CTNNA3: variants seen among roughly 807,000 people sequenced by gnomAD.
CTNNA3 encodes the protein catenin alpha 3, also known as catenin alpha-3.
In CTNNA3, 76 loss-of-function variants were observed where a neutral mutation model predicts 95.7. The ratio of observed to expected loss-of-function variants is 0.79; its 90% CI spans 0.66 to 0.96. CTNNA3 has a LOEUF of 0.96. Among genes scored for constraint, CTNNA3 ranks in the 40% least tolerant of loss-of-function variants. The pLI, the probability that CTNNA3 is intolerant of heterozygous loss-of-function variation, is 0.00. For synonymous variants in CTNNA3, 431 were observed against 374.4 expected (o/e 1.15, Z -1.74); for missense variants, 1,191 against 1,089.8 (o/e 1.09, Z -1.31).
At chr10:67,237,367 T>C (rs1041126756) in intron 5 of CTNNA3, among the ~76,000 whole-genome samples, 2 of 150,880 alleles carry the variant, frequency 1.3e-5, no homozygotes, top group African/African-American at 4.9e-5. Flanking sequence ...ATAATGGACT[T>C]TGGGGACTTG....
At position 66,215,892 on chromosome 10, in the gene CTNNA3, C is replaced by T. The variant is rs376769597; in HGVS notation, c.1884+64578G>A. On this transcript the variant is annotated intron_variant, in intron 13 of 17. Coordinates refer to ENST00000433211, the MANE Select transcript of CTNNA3 (RefSeq NM_013266.4). The stretch of plus-strand genomic sequence containing the variant: ...ATTCTGGAGGAATTTCACTGTCTCC[C>T]TCTGCTTCTCTCACACTACCTCTCC... Among the ~76,000 whole-genome samples the T allele has an allele frequency of 3.2e-4, 48 of 152,330 alleles. No homozygotes were observed. In the South Asian group the frequency reaches 9.3e-3, roughly 30 times the overall value.
intron 1 of CTNNA3, among the ~76,000 whole-genome samples, chr10:67,670,724 G>T (rs1181332281): frequency 6.6e-6 from 1 of 152,088 alleles, no homozygotes; most frequent in Admixed American, 6.6e-5. Flanking sequence ...TCTATGAAAA[G>T]CCTGTTTTAT....
chr10:67,710,886 C>T (rs1166056124), intron 1 of CTNNA3, among the ~76,000 whole-genome samples: 1 of 152,162 alleles, frequency 6.6e-6, no homozygotes, highest in African/African-American at 2.4e-5. Flanking sequence ...TATAGTTTGG[C>T]TGTGTCCCCA....
intron 13 of CTNNA3, among the ~76,000 whole-genome samples, chr10:66,159,330 C>G (rs1383120689): frequency 6.6e-6 from 1 of 151,800 alleles, no homozygotes; most frequent in Non-Finnish European, 1.5e-5. Flanking sequence ...AAGGTATGAC[C>G]CTTGTATGCC....
chr10:66,623,250 T>C (rs1844814137), intron 9 of CTNNA3, among the ~76,000 whole-genome samples: 2 of 152,260 alleles, frequency 1.3e-5, no homozygotes, highest in South Asian at 4.1e-4. Flanking sequence ...GCACTGTTTG[T>C]TTAAAGTAAA....
intron 5 of CTNNA3, among the ~76,000 whole-genome samples, chr10:67,385,257 G>A (rs762487761): frequency 1.3e-5 from 2 of 152,226 alleles, no homozygotes; most frequent in Non-Finnish European, 1.5e-5. Flanking sequence ...AGGGCCTCCT[G>A]TGGCTCCAGC....
intron 12 of CTNNA3, among the ~76,000 whole-genome samples, chr10:66,365,332 C>A (rs1487904132): frequency 6.6e-6 from 1 of 151,974 alleles, no homozygotes; most frequent in Non-Finnish European, 1.5e-5. Flanking sequence ...GGGAGTTGAA[C>A]AATGAGAACA....
At chr10:66,804,382 G>A (rs544647231) in intron 7 of CTNNA3, among the ~76,000 whole-genome samples, 4 of 151,930 alleles carry the variant, frequency 2.6e-5, no homozygotes, top group African/African-American at 7.3e-5. Flanking sequence ...CCCTACATCC[G>A]CGCATCTGTA....
intron 14 of CTNNA3, 97 bp downstream of exon 14, chr10:66,103,060 G>C: frequency 1.1e-6 from 1 of 916,592 alleles, no homozygotes; most frequent in Non-Finnish European, 1.8e-6. Flanking sequence ...TCCAGATCCA[G>C]GAGTCCCACC....
In CTNNA3 at chr10:66,719,369, C is replaced by T. The variant is rs559893127; in HGVS notation, c.1281+46895G>A. The stretch of plus-strand genomic sequence containing the variant: ...TGCCATTATGACCACATATGTTACA[C>T]TTGAACTTTCTGACCCTAAGTTAAC... On this transcript the variant is annotated intron_variant, in intron 9 of 17. Transcript: ENST00000433211. Among the ~76,000 whole-genome samples, 4 of 152,274 alleles carry T rather than the reference C, an allele frequency of 2.6e-5. No individual in the cohort carries two copies. The East Asian group carries it at 5.8e-4, about 22-fold the overall frequency.
intron 7 of CTNNA3, among the ~76,000 whole-genome samples, chr10:67,022,886 C>T (rs1308685954): frequency 6.6e-6 from 1 of 151,914 alleles, no homozygotes; most frequent in Admixed American, 6.6e-5. Context: ...TGCAGTGAGC[C>T]GAGATCATGC....
chr10:67,509,654 G>A (rs1001764795), intron 5 of CTNNA3, among the ~76,000 whole-genome samples: 13 of 152,250 alleles, frequency 8.5e-5, no homozygotes, highest in Non-Finnish European at 1.3e-4. Flanking sequence ...ATAAACATAC[G>A]TGTGCATGTG....
At chr10:67,012,186 C>A (rs1852379726) in intron 7 of CTNNA3, 1 of 152,222 alleles carries the variant, frequency 6.6e-6, no homozygotes, top group Non-Finnish European at 1.5e-5. Flanking sequence ...GTGTGTGATG[C>A]ACTTCCTATG....
chr10:66,987,391 A>G (rs974129154), intron 7 of CTNNA3, among the ~76,000 whole-genome samples: 6 of 152,156 alleles, frequency 3.9e-5, no homozygotes, highest in African/African-American at 1.4e-4. Flanking sequence ...GTAGAGGTGA[A>G]ATGATTTCTT....
At chr10:67,394,946 T>G (rs1844661189) in intron 5 of CTNNA3, among the ~76,000 whole-genome samples, 1 of 152,272 alleles carries the variant, frequency 6.6e-6, no homozygotes, top group East Asian at 1.9e-4. Flanking sequence ...CATGATATAC[T>G]ACATCAGTTA....
intron 3 of CTNNA3, among the ~76,000 whole-genome samples, chr10:67,571,375 T>C (rs1024691377): frequency 1.3e-5 from 2 of 152,188 alleles, no homozygotes; most frequent in African/African-American, 4.8e-5. Flanking sequence ...TCACTCTAAG[T>C]ATCTTTGAAA....
rs185641456 is a variant in CTNNA3 at position 67,149,572 on chromosome 10, T to G, written c.1047+30745A>C. On this transcript the variant is annotated intron_variant, in intron 7 of 17. Coordinates refer to ENST00000433211, the MANE Select transcript of CTNNA3 (RefSeq NM_013266.4). ...TGCACTCCAGCCTGGGCAACAGAGATAGACTCCGTCTCAAAAAACAAAAAG... is the reference window on the plus strand; with the variant it reads ...TGCACTCCAGCCTGGGCAACAGAGAGAGACTCCGTCTCAAAAAACAAAAAG... 1.4e-3 allele frequency among the ~76,000 whole-genome samples: 218 copies of G among 152,054 alleles called. 2 individuals carry two copies. The highest frequency in any genetic ancestry group is 5.0e-3 in the African/African-American group (207 of 41,478).
At chr10:66,806,907 A>G (rs1354852207) in intron 7 of CTNNA3, among the ~76,000 whole-genome samples, 1 of 151,950 alleles carries the variant, frequency 6.6e-6, no homozygotes, top group African/African-American at 2.4e-5. Context: ...ATTTCAGGAA[A>G]TTGAGAGAGA....
At position 66,955,724 on chromosome 10, in the gene CTNNA3, G is replaced by T. The variant is rs1471058920; in HGVS notation, c.1048-180200C>A. On this transcript the variant is annotated intron_variant, in intron 7 of 17. Transcript: ENST00000433211. ...CACAAACTGGAGATCAGCCTCCATTGTTCTTCCTCTTCTGTAATTTGAAAA... is the reference window on the plus strand; with the variant it reads ...CACAAACTGGAGATCAGCCTCCATTTTTCTTCCTCTTCTGTAATTTGAAAA... Among the ~76,000 whole-genome samples, 4 of 152,084 alleles carry T rather than the reference G, an allele frequency of 2.6e-5. No homozygotes were observed. In the East Asian group the frequency reaches 7.7e-4, roughly 29 times the overall value.
Sources: allele counts gnomAD v4.1 joint callset (sites outside exome capture counted in the v4.1 genomes callset), GRCh38; gene constraint gnomAD v4.1.1; transcripts MANE v1.5; gene names NCBI Gene and HGNC (gene_info 2026-07-23, HGNC 2026-07-21).